SH3GL1: variants seen among roughly 807,000 people sequenced by gnomAD.
SH3GL1 encodes endophilin-A2.
SH3GL1 carries 21 observed loss-of-function variants against 48.8 expected under a neutral mutation model. The ratio of observed to expected loss-of-function variants is 0.43; its 90% confidence interval spans 0.30 to 0.62. The LOEUF (loss-of-function observed/expected upper bound fraction) is 0.62. Among genes scored for constraint, SH3GL1 ranks in the 20% least tolerant of loss-of-function variants. The pLI is 0.11. For missense variants in SH3GL1, 454 were observed against 503.0 expected (o/e 0.90, Z 0.93); for synonymous variants, 282 against 217.5 (o/e 1.30, Z -2.61).
intron 1 of SH3GL1, among the ~76,000 whole-genome samples, chr19:4,385,227 C>T (rs1341078733): frequency 2.6e-5 from 4 of 152,276 alleles, no homozygotes; most frequent in Non-Finnish European, 5.9e-5. Context: ...AGTGAAGGCA[C>T]GCCGGCCCTG....
intron 1 of SH3GL1, among the ~76,000 whole-genome samples, chr19:4,375,768 A>G (rs1393749480): frequency 2.0e-5 from 3 of 152,244 alleles, no homozygotes; most frequent in Non-Finnish European, 4.4e-5. Context: ...ATGAAAACTT[A>G]TAAAAGGAAA....
At chr19:4,363,931 A>G in intron 5 of SH3GL1, 53 bp from the exon 6 acceptor site, 5 of 1,610,258 alleles carry the variant, frequency 3.1e-6, no homozygotes, top group Non-Finnish European at 3.4e-6. Flanking sequence ...GGGCCGCCCC[A>G]CGCATGGCTT....
intron 1 of SH3GL1, among the ~76,000 whole-genome samples, chr19:4,369,489 C>T (rs951951314): frequency 1.1e-4 from 17 of 152,312 alleles, no homozygotes; most frequent in Non-Finnish European, 2.4e-4. Flanking sequence ...GGAGTGGCTC[C>T]GTCAGGGCCC....
chr19:4,384,911 C>T (rs1001018337), intron 1 of SH3GL1, among the ~76,000 whole-genome samples: 3 of 152,124 alleles, frequency 2.0e-5, no homozygotes, highest in African/African-American at 7.2e-5. Flanking sequence ...CGAGACTAGC[C>T]TGGCCAACAT....
intron 1 of SH3GL1, among the ~76,000 whole-genome samples, chr19:4,384,340 T>C (rs1973194281): frequency 2.0e-5 from 3 of 152,206 alleles, no homozygotes; most frequent in Non-Finnish European, 2.9e-5. Flanking sequence ...CCCAGGCACA[T>C]ACAGCACGGT....
intron 1 of SH3GL1, among the ~76,000 whole-genome samples, chr19:4,393,390 A>T (rs767760258): frequency 1.3e-5 from 2 of 152,080 alleles, no homozygotes; most frequent in Non-Finnish European, 2.9e-5. Flanking sequence ...GAGAATGAGG[A>T]GACAAGATCA....
chr19:4,393,146 A>T (rs1240830237), intron 1 of SH3GL1, among the ~76,000 whole-genome samples: 2 of 152,168 alleles, frequency 1.3e-5, no homozygotes, highest in Middle Eastern at 3.2e-3. Context: ...CTGTAATCCC[A>T]GCTACTTGGG....
At chr19:4,371,125 A>G (rs1371688860) in intron 1 of SH3GL1, among the ~76,000 whole-genome samples, 1 of 152,234 alleles carries the variant, frequency 6.6e-6, no homozygotes, top group Non-Finnish European at 1.5e-5. Context: ...TCCCCCTGGG[A>G]GAAGGGGGCT....
intron 1 of SH3GL1, among the ~76,000 whole-genome samples, chr19:4,379,152 G>A (rs1456114906): frequency 6.6e-6 from 1 of 152,168 alleles, no homozygotes; most frequent in East Asian, 1.9e-4. Flanking sequence ...GGACGAGGGC[G>A]GGAGGAAAGA....
At chr19:4,375,446 C>T (rs773499343) in intron 1 of SH3GL1, among the ~76,000 whole-genome samples, 33 of 152,202 alleles carry the variant, frequency 2.2e-4, no homozygotes, top group Non-Finnish European at 4.7e-4. Context: ...CAGGGCTGGG[C>T]GAGGAATCTG....
chr19:4,365,156 C>A (rs558801278), intron 4 of SH3GL1, among the ~76,000 whole-genome samples: 5 of 152,068 alleles, frequency 3.3e-5, no homozygotes, highest in Admixed American at 6.6e-5. Context: ...CGATGCTGGA[C>A]GTTAAACCAG....
chr19:4,375,059 C>T (rs2144886780), intron 1 of SH3GL1, among the ~76,000 whole-genome samples: 1 of 152,272 alleles, frequency 6.6e-6, no homozygotes, highest in Admixed American at 6.5e-5. Flanking sequence ...AGCACTGAGC[C>T]CGACCTGCTC....
chr19:4,362,277 C>A (rs187520105), intron 9 of SH3GL1, 52 bp downstream of exon 9: 3 of 1,567,354 alleles, frequency 1.9e-6, no homozygotes, highest in Non-Finnish European at 1.7e-6. Context: ...ACACCCTCCC[C>A]GAATGGCCGA....
intron 1 of SH3GL1, among the ~76,000 whole-genome samples, chr19:4,377,714 G>T (rs867749525): frequency 1.2e-4 from 18 of 152,342 alleles, no homozygotes; most frequent in Middle Eastern, 3.4e-3. Context: ...TCTGGCGCAT[G>T]GGTGCCCCTG....
rs560636367 is a variant in SH3GL1, at chr19:4,389,687, G to A, written c.45+10637C>T. 7.0e-4 allele frequency among the ~76,000 whole-genome samples: 106 copies of A among 152,308 alleles called. No homozygotes were observed. The highest frequency in any genetic ancestry group is 6.3e-4 in the Non-Finnish European group (43 of 68,018). ...CCATCCGCTGTAGGGTGGGGGCCAC[G>A]GTGGCCCATCCGTCCTTCCATGTGA... On this transcript the variant is annotated intron_variant, in intron 1 of 9. Coordinates refer to ENST00000269886, the MANE Select transcript of SH3GL1 (RefSeq NM_003025.4). This position sits in a 1 kb window ranked among gnomAD's most constrained non-coding sequence, Gnocchi z 4.5.
At chr19:4,392,098 C>T (rs942416879) in intron 1 of SH3GL1, among the ~76,000 whole-genome samples, 3 of 152,162 alleles carry the variant, frequency 2.0e-5, no homozygotes, top group Non-Finnish European at 2.9e-5. Flanking sequence ...GGCCTTGTCC[C>T]GGGCACAGCC....
rs1377270816 is a variant in SH3GL1, at chr19:4,400,157, C to T, written c.45+167G>A. On this transcript the variant is annotated intron_variant, in intron 1 of 9. Coordinates refer to ENST00000269886, the MANE Select transcript of SH3GL1 (RefSeq NM_003025.4). This position sits in a 1 kb window ranked among gnomAD's most constrained non-coding sequence, Gnocchi z 4.1. The stretch of plus-strand genomic sequence containing the variant: ...CCCGCATGGCGGGCAGGGCCTGGGC[C>T]ACCTCGTCGCCCCCGTCCGTCCCTT... Among the ~76,000 whole-genome samples, 1 of 152,190 alleles carries T rather than the reference C, an allele frequency of 6.6e-6. No individual in the cohort carries two copies. The highest frequency in any genetic ancestry group is 1.5e-5 in the Non-Finnish European group (1 of 68,004).
chr19:4,371,172 C>A (rs1010433895), intron 1 of SH3GL1, among the ~76,000 whole-genome samples: 2 of 152,242 alleles, frequency 1.3e-5, no homozygotes, highest in East Asian at 3.9e-4. Context: ...GAGTTTAGAC[C>A]TTTGGCTCTC....
At chr19:4,386,476 C>CTT (rs369353160) in intron 1 of SH3GL1, among the ~76,000 whole-genome samples, 3 of 127,176 alleles carry the variant, frequency 2.4e-5, no homozygotes, top group African/African-American at 8.8e-5. Context: ...TTTGGGAACT[C>CTT]TTTTTTTTTT....
Sources: allele counts gnomAD v4.1 joint callset (sites outside exome capture counted in the v4.1 genomes callset), GRCh38; gene constraint gnomAD v4.1.1; non-coding constraint Gnocchi (gnomAD v3.1); transcripts MANE v1.5; gene names NCBI Gene and HGNC (gene_info 2026-07-23, HGNC 2026-07-21).